The following GNAQ variants were observed in gnomAD, a reference collection of about 807,000 sequenced individuals.
The protein encoded by GNAQ is guanine nucleotide-binding protein G(q) subunit alpha.
In GNAQ, 8 loss-of-function variants were observed where a neutral mutation model predicts 43.9. The ratio of observed to expected loss-of-function variants is 0.18; its 90% CI spans 0.11 to 0.33. GNAQ has a LOEUF of 0.33. Ranked by LOEUF, GNAQ falls within the 10% of genes least tolerant of loss-of-function variation. The pLI is 1.00. For synonymous variants in GNAQ, 155 were observed against 170.7 expected (o/e 0.91, Z 0.71); for missense variants, 158 against 450.8 (o/e 0.35, Z 5.88).
chr9:77,889,432 A>AAAAAAAAAAAAAAAC (rs1828366167), intron 2 of GNAQ, among the ~76,000 whole-genome samples: 1 of 149,452 alleles, frequency 6.7e-6, no homozygotes, highest in Non-Finnish European at 1.5e-5. Flanking sequence ...AAAAAAAAAA[A>AAAAAAAAAAAAAAAC]AAAAAAAAAA....
chr9:77,839,143 G>T (rs1827442687), intron 2 of GNAQ, among the ~76,000 whole-genome samples: 1 of 152,068 alleles, frequency 6.6e-6, no homozygotes, highest in African/African-American at 2.4e-5. Context: ...CCCAGGCCTC[G>T]TGGTGAACAG....
chr9:77,797,617 G>C lies in GNAQ; in HGVS notation c.508C>G (p.Pro170Ala), dbSNP rs756147804. Residue 170 changes from proline to alanine, a missense_variant, in exon 4 of 7, where the codon CCT (proline) becomes GCT (alanine). By Grantham distance (27) the Pro-to-Ala change is conservative. Around this residue, in one of 9 missense-constraint regions of GNAQ, gnomAD observed 14 missense variants for 16.3 expected, o/e 0.86. Coordinates refer to ENST00000286548, the MANE Select transcript of GNAQ (RefSeq NM_002072.5). ...TCTTGTTGCGTAGGCAGGTAGGCAG[G>C]GTCAGCTACGCGGTCCAAGTCATTA... ...YLNDLDRVADPAYLPTQQDVL... is the reference protein window; with the variant it reads ...YLNDLDRVADAAYLPTQQDVL... 4 of 1,613,568 alleles carry C rather than the reference G, an allele frequency of 2.5e-6. No individual in the cohort carries two copies. The highest frequency in any genetic ancestry group is 3.4e-6 in the Non-Finnish European group (4 of 1,179,582).
At chr9:78,015,303 T>C (rs1823825572) in intron 1 of GNAQ, among the ~76,000 whole-genome samples, 1 of 152,186 alleles carries the variant, frequency 6.6e-6, no homozygotes, top group Admixed American at 6.5e-5. Flanking sequence ...ACAATCTAGA[T>C]TTGTGTAAGT....
At chr9:77,871,436 C>G (rs1224190207) in intron 2 of GNAQ, among the ~76,000 whole-genome samples, 1 of 152,160 alleles carries the variant, frequency 6.6e-6, no homozygotes, top group Non-Finnish European at 1.5e-5. Context: ...TCAAAACACC[C>G]AGACTGGTTT....
At chr9:77,943,052 G>GA (rs756587473) in intron 1 of GNAQ, among the ~76,000 whole-genome samples, 1 of 152,062 alleles carries the variant, frequency 6.6e-6, no homozygotes, top group Non-Finnish European at 1.5e-5. Flanking sequence ...CAAAATCCAT[G>GA]AAAAAAGAGT....
chr9:77,919,877 C>A (rs1252078499), intron 2 of GNAQ, among the ~76,000 whole-genome samples: 1 of 152,190 alleles, frequency 6.6e-6, no homozygotes, highest in African/African-American at 2.4e-5. Flanking sequence ...AGAGGTGGCT[C>A]ATGCCTGTAA....
chr9:77,924,739 A>G (rs1025972176), intron 1 of GNAQ, among the ~76,000 whole-genome samples: 1 of 152,136 alleles, frequency 6.6e-6, no homozygotes, highest in Non-Finnish European at 1.5e-5. Context: ...CAAACATGTG[A>G]CTGATGAATG....
intron 1 of GNAQ, among the ~76,000 whole-genome samples, chr9:77,987,938 G>A (rs1823462606): frequency 6.6e-6 from 1 of 152,166 alleles, no homozygotes; most frequent in East Asian, 1.9e-4. Flanking sequence ...CATGAGTAGG[G>A]GGTGGTGTTG....
At position 77,720,628 on chromosome 9, in the gene GNAQ, A is replaced by G. The variant is rs1344279320; in HGVS notation, c.*695T>C. 1.3e-5 allele frequency: 3 copies of G among 233,172 alleles called. No homozygotes were observed. Among genetic ancestry groups the G allele is most frequent in the African/African-American group, 6.6e-5 (3 of 45,354 alleles). 14.4% of individuals were successfully genotyped at this position (233,172 alleles called of 1,614,324 possible). The stretch of plus-strand genomic sequence containing the variant: ...GCATATTTCTCTGAGCAATCAAGCT[A>G]TGGCTGAAGGTAAACATCTAAAAGA... On this transcript the variant is annotated 3_prime_UTR_variant, in exon 7 of 7. Transcript: ENST00000286548.
chr9:78,017,738 T>C (rs118029866), intron 1 of GNAQ, among the ~76,000 whole-genome samples: 1 of 152,208 alleles, frequency 6.6e-6, no homozygotes, highest in East Asian at 1.9e-4. Context: ...AACAACAGAC[T>C]GGGGTTAAGT....
intron 5 of GNAQ, among the ~76,000 whole-genome samples, chr9:77,762,221 G>C (rs1457048260): frequency 7.1e-6 from 1 of 140,838 alleles, no homozygotes; most frequent in Non-Finnish European, 1.6e-5. Flanking sequence ...CCCTCTGCCC[G>C]GCCAGCCGCC....
At chr9:77,895,888 GAT>G (rs1224448854) in intron 2 of GNAQ, among the ~76,000 whole-genome samples, 2 of 152,122 alleles carry the variant, frequency 1.3e-5, no homozygotes, top group Non-Finnish European at 2.9e-5. Flanking sequence ...ATCCACGTAA[GAT>G]ATGATTTGCT....
intron 2 of GNAQ, among the ~76,000 whole-genome samples, chr9:77,876,273 A>T (rs1444321534): frequency 6.6e-6 from 1 of 152,178 alleles, no homozygotes; most frequent in African/African-American, 2.4e-5. Context: ...GCAGGACAGG[A>T]TGCAGAGCTC....
Position 77,819,017 on chromosome 9 carries a change from A to C in GNAQ, c.322-3247T>G, listed in dbSNP as rs1339377815. 1.2e-4 allele frequency among the ~76,000 whole-genome samples: 18 copies of C among 150,688 alleles called. 1 individual carries two copies. The highest frequency in any genetic ancestry group is 2.4e-4 in the Non-Finnish European group (16 of 67,592). On this transcript the variant is annotated intron_variant, in intron 2 of 6. Coordinates refer to ENST00000286548, the MANE Select transcript of GNAQ (RefSeq NM_002072.5). ...ACCATCTCTCCAAAAAAAAAAAAAA[A>C]AAAAAAAAAAAACACCCAAAAATAC...
intron 2 of GNAQ, among the ~76,000 whole-genome samples, chr9:77,849,995 T>C (rs984450278): frequency 1.3e-4 from 20 of 152,282 alleles, no homozygotes; most frequent in African/African-American, 4.8e-4. Flanking sequence ...ACTACGTTCT[T>C]CTGTGATTTT....
intron 2 of GNAQ, among the ~76,000 whole-genome samples, chr9:77,901,729 A>T (rs1284204832): frequency 6.6e-6 from 1 of 152,204 alleles, no homozygotes; most frequent in East Asian, 1.9e-4. Flanking sequence ...TTACAGTCTC[A>T]GTCCTTCTGG....
chr9:78,011,539 T>G (rs1450090687), intron 1 of GNAQ, among the ~76,000 whole-genome samples: 1 of 152,180 alleles, frequency 6.6e-6, no homozygotes, highest in Non-Finnish European at 1.5e-5. Flanking sequence ...AAATGTGCAT[T>G]GTTGAAATAG....
intron 5 of GNAQ, among the ~76,000 whole-genome samples, chr9:77,785,451 C>T (rs1826460288): frequency 6.6e-6 from 1 of 152,118 alleles, no homozygotes; most frequent in Non-Finnish European, 1.5e-5. Flanking sequence ...TGCTTTGTTT[C>T]AAGAGTCCTA....
chr9:77,902,219 T>C (rs1828627150), intron 2 of GNAQ, among the ~76,000 whole-genome samples: 1 of 152,270 alleles, frequency 6.6e-6, no homozygotes, highest in Non-Finnish European at 1.5e-5. Context: ...AAACAAGTTA[T>C]AAATTTGTAA....
Sources: allele counts gnomAD v4.1 joint callset (sites outside exome capture counted in the v4.1 genomes callset), GRCh38; gene constraint gnomAD v4.1.1; regional missense constraint gnomAD v4.1.1; transcripts MANE v1.5; gene names NCBI Gene and HGNC (gene_info 2026-07-23, HGNC 2026-07-21).